TTF1: variants seen among roughly 807,000 people sequenced by gnomAD.
The protein encoded by TTF1 is transcription termination factor 1.
A neutral mutation model predicts 80.2 loss-of-function variants in TTF1; 64 were observed. That is an observed-to-expected ratio of 0.80 (90% confidence interval 0.65 to 0.98). The LOEUF is 0.98. Ranked by LOEUF, TTF1 falls within the 50% of genes least tolerant of loss-of-function variation. The pLI is 0.00. For missense variants in TTF1, 1,023 were observed against 1,086.2 expected (o/e 0.94, Z 0.82); for synonymous variants, 372 against 382.7 (o/e 0.97, Z 0.33).
In TTF1 at chr9:132,376,082, G is replaced by A. The variant is rs1849171415; in HGVS notation, c.2551C>T (p.Gln851Ter). The stretch of plus-strand genomic sequence containing the variant: ...ACTTGCTTGGGTGCTGCAGGAGTCT[G>A]GATTTTAGTGCCTTTTTTCTCCATC... ...KMMEKKGTKI[Q>*]TPAAPKQVFP... The change falls in exon 11 of 11, where the codon CAG becomes TAG. Residue 851 changes from glutamine to a stop codon, truncating the protein, a stop_gained. Transcript: ENST00000334270. LOFTEE classifies it low-confidence loss of function (END_TRUNC). 2.5e-6 allele frequency: 4 copies of A among 1,614,058 alleles called. No individual in the cohort carries two copies. The highest frequency in any genetic ancestry group is 3.4e-6 in the Non-Finnish European group (4 of 1,180,042).
intron 1 of TTF1, among the ~76,000 whole-genome samples, chr9:132,405,094 A>G (rs936608292): frequency 6.6e-6 from 1 of 152,152 alleles, no homozygotes; most frequent in Non-Finnish European, 1.5e-5. Context: ...TCACCGTGTT[A>G]GCCAGGATGG....
At chr9:132,398,699 A>G (rs1849702649) in intron 3 of TTF1, among the ~76,000 whole-genome samples, 1 of 152,090 alleles carries the variant, frequency 6.6e-6, no homozygotes, top group African/African-American at 2.4e-5. Flanking sequence ...GGCTCAAGTG[A>G]TTCTCCTGCC....
intron 1 of TTF1, among the ~76,000 whole-genome samples, chr9:132,405,418 G>T (rs572904221): frequency 1.2e-4 from 18 of 152,180 alleles, no homozygotes; most frequent in Admixed American, 3.9e-4. Flanking sequence ...ATGTTGGCCA[G>T]GCTGGTCTTG....
chr9:132,383,794 C>T (rs1299259610), intron 9 of TTF1, among the ~76,000 whole-genome samples: 3 of 152,280 alleles, frequency 2.0e-5, no homozygotes, highest in African/African-American at 2.4e-5. Flanking sequence ...CCTGCAACCA[C>T]GCAGTGTTTC....
chr9:132,402,186 T>C lies in TTF1; in HGVS notation c.636A>G (p.Ala212=), dbSNP rs746952845. Residue 212 remains alanine, a synonymous_variant, in exon 2 of 11, where the codon GCA becomes GCG. Transcript: ENST00000334270. The stretch of plus-strand genomic sequence containing the variant: ...TCTTAGACTTGTTTTTATGAGCAGA[T>C]GCTGGTAGTTCTGTAATTTCACCCC... ...GPGGEITELP[A]SAHKNKSKKK... 1.2e-6 allele frequency: 2 copies of C among 1,614,194 alleles called. No individual in the cohort carries two copies. The highest frequency in any genetic ancestry group is 1.7e-6 in the Non-Finnish European group (2 of 1,180,038).
In TTF1 at chr9:132,384,640, T is replaced by C. The variant is rs993293245; in HGVS notation, c.2378+1916A>G. ...GTAAGGGGACACTTTTCACTGTGTT[T>C]CCTTTCAGGTTTCTTTCTTTCTTTC... On this transcript the variant is annotated intron_variant, in intron 9 of 10. Coordinates refer to ENST00000334270, the MANE Select transcript of TTF1 (RefSeq NM_007344.4). The surrounding 1 kb of genome is among the most constrained non-coding windows in gnomAD (Gnocchi z 4.1). Among the ~76,000 whole-genome samples, 10 of 152,132 alleles carry C rather than the reference T, an allele frequency of 6.6e-5. No homozygotes were observed. Among genetic ancestry groups the C allele is most frequent in the Admixed American group, 4.6e-4 (7 of 15,260 alleles).
At chr9:132,403,610 A>G (rs905141622) in intron 1 of TTF1, among the ~76,000 whole-genome samples, 4 of 152,126 alleles carry the variant, frequency 2.6e-5, no homozygotes, top group Non-Finnish European at 5.9e-5. Context: ...CAAGTAATAT[A>G]CTTTCATATT....
At position 132,402,816 on chromosome 9, in the gene TTF1, T is replaced by G. The variant is rs1313735297; in HGVS notation, c.6A>C (p.Glu2Asp). The G allele has an allele frequency of 6.4e-7, 1 of 1,571,458 alleles. No individual in the cohort carries two copies. Among genetic ancestry groups the G allele is most frequent in the East Asian group, 2.2e-5 (1 of 44,570 alleles). The change falls in exon 2 of 11, where the codon GAA becomes GAC. Residue 2 changes from glutamate to aspartate, a missense_variant. Coordinates refer to ENST00000334270, the MANE Select transcript of TTF1 (RefSeq NM_007344.4). ...GGATTTCAAATCTGCTTGATTCTCC[T>G]TCCATTTTATTCCTATATGGAAATG... Reference protein sequence around the residue: MEGESSRFEIHT... With the variant: MDGESSRFEIHT...
At chr9:132,385,829 G>A (rs1240449582) in intron 9 of TTF1, among the ~76,000 whole-genome samples, 1 of 151,950 alleles carries the variant, frequency 6.6e-6, no homozygotes, top group Non-Finnish European at 1.5e-5. Flanking sequence ...GTTTGATATC[G>A]TTATCATCAA....
chr9:132,406,837 T>A lies in TTF1; in HGVS notation c.-55A>T, dbSNP rs1564192759. ...TCTCCCAACCCGGAAGTGCTGCTGTTGAGGAAGCGGAAGTAGTAGTGCGTC... is the reference window on the plus strand; with the variant it reads ...TCTCCCAACCCGGAAGTGCTGCTGTAGAGGAAGCGGAAGTAGTAGTGCGTC... On this transcript the variant is annotated 5_prime_UTR_variant, in exon 1 of 11. Transcript: ENST00000334270. The A allele has an allele frequency of 1.3e-5, 2 of 152,204 alleles. No individual in the cohort carries two copies. Among genetic ancestry groups the A allele is most frequent in the Non-Finnish European group, 2.9e-5 (2 of 68,038 alleles). The allele number at this position is 152,204 out of a possible 1,614,324, so 9.4% of individuals were successfully genotyped here.
At chr9:132,380,587 C>CCCAA (rs1309010949) in intron 9 of TTF1, among the ~76,000 whole-genome samples, 1 of 152,184 alleles carries the variant, frequency 6.6e-6, no homozygotes, top group Non-Finnish European at 1.5e-5. Context: ...ATGCTGCAGA[C>CCCAA]CCAAGCCCAT....
rs769896687 is a variant in TTF1, at chr9:132,401,621, G to C, written c.1201C>G (p.Arg401Gly). 1.2e-6 allele frequency: 2 copies of C among 1,614,112 alleles called. No homozygotes were observed. Among genetic ancestry groups the C allele is most frequent in the Non-Finnish European group, 8.5e-7 (1 of 1,180,038 alleles). The change falls in exon 2 of 11, where the codon CGA becomes GGA. Residue 401 changes from arginine (R) to glycine (G), a missense_variant. By Grantham distance (125) the Arg-to-Gly change is moderately radical. Transcript: ENST00000334270. Reference protein sequence around the residue: ...KRKLTSVKRARVSGDDFSVPS... With the variant: ...KRKLTSVKRAGVSGDDFSVPS... Reference sequence around the variant, plus strand: ...ACTGAAAAATCATCACCAGACACTCGTGCCCTTTTGACAGACGTAAGCTTC... The same window carrying C: ...ACTGAAAAATCATCACCAGACACTCCTGCCCTTTTGACAGACGTAAGCTTC...
intron 9 of TTF1, 90 bp downstream of exon 9, chr9:132,386,466 T>C (rs2131629112): frequency 9.2e-7 from 1 of 1,091,552 alleles, no homozygotes; most frequent in Non-Finnish European, 1.4e-6. Flanking sequence ...TGCAGCATCA[T>C]TATCAGCCCT....
chr9:132,377,782 A>T (rs1476976392), intron 10 of TTF1, among the ~76,000 whole-genome samples: 1 of 86,388 alleles, frequency 1.2e-5, no homozygotes, highest in Non-Finnish European at 2.2e-5. Context: ...GGTGTGTGTG[A>T]GTGCATGTGG....
intron 3 of TTF1, among the ~76,000 whole-genome samples, chr9:132,399,535 GAAT>G (rs1290044316): frequency 2.0e-5 from 3 of 151,890 alleles, no homozygotes; most frequent in Non-Finnish European, 4.4e-5. Flanking sequence ...TTGGATTTAA[GAAT>G]AATAAAGGTT....
At chr9:132,378,024 G>A (rs963181644) in intron 10 of TTF1, among the ~76,000 whole-genome samples, 1 of 142,804 alleles carries the variant, frequency 7.0e-6, no homozygotes, top group Non-Finnish European at 1.5e-5. Context: ...CATGTGGTGT[G>A]AGTGCATGTG....
intron 10 of TTF1, among the ~76,000 whole-genome samples, chr9:132,377,526 T>G (rs1849228324): frequency 1.7e-5 from 2 of 119,180 alleles, no homozygotes; most frequent in African/African-American, 3.5e-5. Context: ...AGTGCATGCA[T>G]GTAGTGTGAG....
intron 7 of TTF1, 107 bp downstream of exon 7, chr9:132,390,490 T>C: frequency 6.4e-6 from 7 of 1,098,352 alleles, no homozygotes; most frequent in Non-Finnish European, 9.4e-6. Flanking sequence ...TAGACACGAT[T>C]GTTCTTGACA....
intron 1 of TTF1, among the ~76,000 whole-genome samples, chr9:132,404,249 C>T (rs1849821024): frequency 6.6e-6 from 1 of 152,176 alleles, no homozygotes; most frequent in Non-Finnish European, 1.5e-5. Flanking sequence ...TCTATATCAG[C>T]GGTCTTTAAA....
Sources: gnomAD v4.1 joint callset for allele counts (sites outside exome capture counted in the v4.1 genomes callset) on GRCh38, gnomAD v4.1.1 for gene constraint, Gnocchi (gnomAD v3.1) non-coding constraint, MANE v1.5 for transcripts, NCBI Gene and HGNC (gene_info 2026-07-23, HGNC 2026-07-21) for gene names.